The following SPTBN2 variants were observed in gnomAD, a reference collection of about 807,000 sequenced individuals.
SPTBN2 encodes spectrin beta chain, non-erythrocytic 2.
Under a neutral mutation model 284.2 loss-of-function variants are expected in SPTBN2, and 107 were observed. The observed-to-expected ratio is 0.38, with a 90% confidence interval of 0.32 to 0.44. SPTBN2 has a LOEUF of 0.44. Ranked by LOEUF, SPTBN2 falls within the 20% of genes least tolerant of loss-of-function variation. SPTBN2 has a pLI of 1.00. For missense variants in SPTBN2, 2,569 were observed against 3,287.1 expected, an observed-to-expected ratio of 0.78 and a Z score of 5.34; for synonymous variants, 1,289 against 1,354.8, an observed-to-expected ratio of 0.95 and a Z score of 1.07.
chr11:66,742,270 A>T (rs1942900465), intron 1 of SPTBN2, among the ~76,000 whole-genome samples: 1 of 152,196 alleles, frequency 6.6e-6, no homozygotes, highest in Admixed American at 6.5e-5. Context: ...TTCTCACCAT[A>T]TATCAAGCCT....
chr11:66,730,093 T>TGCCAG (rs1942779888), upstream of SPTBN2, among the ~76,000 whole-genome samples: 1 of 152,024 alleles, frequency 6.6e-6, no homozygotes, highest in Non-Finnish European at 1.5e-5. Flanking sequence ...TGAGCTGCCG[T>TGCCAG]GCCAGGCCTG....
chr11:66,689,195 C>T lies in SPTBN2; in HGVS notation c.5950-15G>A. 6.3e-7 allele frequency: 1 copy of T among 1,596,570 alleles called. No individual in the cohort carries two copies. ...TTCTCTGAGATCTGGGGGCGGGGGG[C>T]AGAGATATGAGTTAGCACCAGGATG... is the stretch of plus-strand genomic sequence containing the variant. On this transcript the variant is annotated splice_polypyrimidine_tract_variant and intron_variant, in intron 29 of 37. Coordinates refer to ENST00000533211, the MANE Select transcript of SPTBN2 (RefSeq NM_006946.4).
intron 1 of SPTBN2, among the ~76,000 whole-genome samples, chr11:66,737,943 G>C (rs1295028965): frequency 6.6e-6 from 1 of 152,030 alleles, no homozygotes. Flanking sequence ...GGCCGGGTAC[G>C]GTGGCTCACG....
rs756452911 is a variant in SPTBN2, at chr11:66,699,089, C to T, written c.3777-7G>A. 12 of 1,614,070 alleles carry T rather than the reference C, an allele frequency of 7.4e-6. No individual in the cohort carries two copies. Among genetic ancestry groups the T allele is most frequent in the African/African-American group, 1.3e-5 (1 of 74,920 alleles). The stretch of plus-strand genomic sequence containing the variant: ...GTCTTGATTCTTCTTGTGCCTGGAA[C>T]GACACCCTCTTGTGAAACTCTGGAA... On this transcript the variant is annotated splice_polypyrimidine_tract_variant and splice_region_variant and intron_variant, in intron 18 of 37. Coordinates refer to ENST00000533211, the MANE Select transcript of SPTBN2 (RefSeq NM_006946.4).
At chr11:66,727,945 C>G (rs1256297580) in intron 1 of SPTBN2, 1 of 150,616 alleles carries the variant, frequency 6.6e-6, no homozygotes, top group Non-Finnish European at 1.5e-5. Context: ...GCCCGAGTCC[C>G]CCCCCCTCGG....
At chr11:66,740,072 T>C (rs1407440123) in intron 1 of SPTBN2, among the ~76,000 whole-genome samples, 2 of 152,182 alleles carry the variant, frequency 1.3e-5, no homozygotes, top group African/African-American at 2.4e-5. Flanking sequence ...CTTTGTGATG[T>C]AGATTTTATT....
rs558072709 is a variant in SPTBN2, at chr11:66,743,858, G to T, written c.-475+684C>A. Among the ~76,000 whole-genome samples, 5 of 152,194 alleles carry T rather than the reference G, an allele frequency of 3.3e-5. No homozygotes were observed. In the South Asian group the frequency reaches 1.0e-3, roughly 32 times the overall value. ...GGCTGGTTGTAAGGTAAAAGACGGG[G>T]GGTCGTTTTTTCTTTTTTTGAGACA... On this transcript the variant is annotated intron_variant, in intron 1 of 37. Coordinates refer to the SPTBN2 transcript ENST00000611817.
intron 31 of SPTBN2, 52 bp from the exon 32 acceptor site, chr11:66,688,363 AG>A: frequency 6.5e-7 from 1 of 1,549,018 alleles, no homozygotes. Context: ...TAAGAGGGCC[AG>A]GGAAACAGGG....
At chr11:66,742,241 G>A (rs1942900288) in intron 1 of SPTBN2, among the ~76,000 whole-genome samples, 1 of 152,338 alleles carries the variant, frequency 6.6e-6, no homozygotes, top group South Asian at 2.1e-4. Flanking sequence ...AAAGTGAAGA[G>A]CACTTAGCAC....
rs1941785205 is a variant in SPTBN2 at position 66,710,307 on chromosome 11, C to T, written c.1073+275G>A. On this transcript the variant is annotated intron_variant, in intron 10 of 37. Transcript: ENST00000533211. The surrounding 1 kb of genome is among the most constrained non-coding windows in gnomAD (Gnocchi z 4.9). ...AGAGATGGGGTTTCACCATGTTGGC[C>T]AGACTGGTCTCGGTGATGCGCCCGC... Among the ~76,000 whole-genome samples the T allele has an allele frequency of 6.6e-6, 1 of 152,082 alleles. No individual in the cohort carries two copies. Among genetic ancestry groups the T allele is most frequent in the Non-Finnish European group, 1.5e-5 (1 of 68,012 alleles).
Position 66,693,465 on chromosome 11 carries a change from G to A in SPTBN2, c.4594-19C>T, listed in dbSNP as rs1940703075. ...GCAGGGTCTGCCCATGGCCACAGAA[G>A]AGAAAATGCTGAAAGTCCTGCCCCA... On this transcript the variant is annotated intron_variant, in intron 23 of 37. Coordinates refer to ENST00000533211, the MANE Select transcript of SPTBN2 (RefSeq NM_006946.4). This position sits in a 1 kb window ranked among gnomAD's most constrained non-coding sequence, Gnocchi z 5.7. The A allele has an allele frequency of 4.4e-6, 7 of 1,594,718 alleles. No homozygotes were observed. Among genetic ancestry groups the A allele is most frequent in the Non-Finnish European group, 5.9e-6 (7 of 1,178,028 alleles).
At chr11:66,735,949 A>G (rs774358162) in intron 1 of SPTBN2, among the ~76,000 whole-genome samples, 8 of 152,308 alleles carry the variant, frequency 5.3e-5, no homozygotes, top group Non-Finnish European at 1.2e-4. Flanking sequence ...AAGGTCGGAA[A>G]GGTGGCTTGC....
intron 1 of SPTBN2, among the ~76,000 whole-genome samples, chr11:66,724,207 G>A (rs1210391149): frequency 6.6e-6 from 1 of 152,230 alleles, no homozygotes; most frequent in Non-Finnish European, 1.5e-5. Flanking sequence ...GATCACCTGA[G>A]GTCAGGAGTT....
intron 3 of SPTBN2, among the ~76,000 whole-genome samples, chr11:66,717,546 A>T (rs1590973917): frequency 1.3e-5 from 2 of 152,176 alleles, no homozygotes; most frequent in East Asian, 3.9e-4. Context: ...GGTCCTAATA[A>T]CATGGGACGG....
At chr11:66,711,167 C>G in intron 8 of SPTBN2, 138 bp from the exon 9 acceptor site, 1 of 742,290 alleles carries the variant, frequency 1.3e-6, no homozygotes. Flanking sequence ...TGACAACTTA[C>G]CCATTCAAAT....
Position 66,708,359 on chromosome 11 carries a change from G to A in SPTBN2, c.1192-60C>T. Reference sequence around the variant, plus strand: ...GGGTGGGGAGGGCTCAGTGGGGCTGGAGGCACATGGTAAGTCCCATGGAAG... The same window carrying A: ...GGGTGGGGAGGGCTCAGTGGGGCTGAAGGCACATGGTAAGTCCCATGGAAG... On this transcript the variant is annotated intron_variant, in intron 11 of 37. Transcript: ENST00000533211. The surrounding 1 kb of genome is among the most constrained non-coding windows in gnomAD (Gnocchi z 4.4). 2 of 1,474,866 alleles carry A rather than the reference G, an allele frequency of 1.4e-6. No homozygotes were observed. Among genetic ancestry groups the A allele is most frequent in the Non-Finnish European group, 1.8e-6 (2 of 1,100,708 alleles). The allele number at this position is 1,474,866 out of a possible 1,614,324, so 91.4% of individuals were successfully genotyped here. A position where few individuals can be genotyped will look rare whatever the true frequency, so the allele number is the denominator to read the frequency against.
At position 66,743,322 on chromosome 11, in the gene SPTBN2, T is replaced by TG. The variant is rs535309368; in HGVS notation, c.-475+1219dup. Among the ~76,000 whole-genome samples the TG allele has an allele frequency of 3.0e-3, 452 of 152,272 alleles. 2 individuals carry two copies. The highest frequency in any genetic ancestry group is 4.9e-3 in the Non-Finnish European group (333 of 68,022). On this transcript the variant is annotated intron_variant, in intron 1 of 37. Coordinates refer to the SPTBN2 transcript ENST00000611817. ...GCTGAGCATAGACTCGAGAAGGGTATGATTCAGGTCTCGATAGACAATGTT... is the reference window on the plus strand; with the variant it reads ...GCTGAGCATAGACTCGAGAAGGGTATGGATTCAGGTCTCGATAGACAATGTT...
intron 36 of SPTBN2, 165 bp from the exon 37 acceptor site, chr11:66,686,605 G>A (rs559964454): frequency 2.4e-5 from 19 of 780,674 alleles, no homozygotes; most frequent in Non-Finnish European, 4.1e-5. Flanking sequence ...CCCAGACTGT[G>A]CAGAAGCACA....
chr11:66,695,074 G>A (rs1940830962), intron 21 of SPTBN2, among the ~76,000 whole-genome samples: 1 of 152,132 alleles, frequency 6.6e-6, no homozygotes, highest in Non-Finnish European at 1.5e-5. Context: ...CCATTCAGTG[G>A]GCCTCCGCCC....
Sources: gnomAD v4.1 joint callset for allele counts (sites outside exome capture counted in the v4.1 genomes callset) on GRCh38, gnomAD v4.1.1 for gene constraint, Gnocchi (gnomAD v3.1) non-coding constraint, MANE v1.5 for transcripts, NCBI Gene and HGNC (gene_info 2026-07-23, HGNC 2026-07-21) for gene names.